Variants in CELSR1 observed in about 807,000 individuals in gnomAD.
CELSR1 encodes cadherin EGF LAG seven-pass G-type receptor 1.
In CELSR1, 110 loss-of-function variants were observed where a neutral mutation model predicts 249.1. The ratio of observed to expected loss-of-function variants is 0.44; its 90% CI spans 0.38 to 0.52. The LOEUF is 0.52. Among genes scored for constraint, CELSR1 ranks in the 20% least tolerant of loss-of-function variants. The pLI is 0.00. For missense variants in CELSR1, 4,109 were observed against 4,296.4 expected (o/e 0.96, Z 1.22); for synonymous variants, 2,113 against 1,900.0 (o/e 1.11, Z -2.92).
At chr22:46,439,691 T>C (rs892361941) in intron 2 of CELSR1, among the ~76,000 whole-genome samples, 1 of 151,930 alleles carries the variant, frequency 6.6e-6, no homozygotes, top group Non-Finnish European at 1.5e-5. Flanking sequence ...GTCAAAGAAA[T>C]GGCAGCAATG....
At position 46,407,642 on chromosome 22, in the gene CELSR1, A is replaced by G. The variant is rs571198679; in HGVS notation, c.5226+1354T>C. Among the ~76,000 whole-genome samples, 13 of 151,838 alleles carry G rather than the reference A, an allele frequency of 8.6e-5. No individual in the cohort carries two copies. Among genetic ancestry groups the G allele is most frequent in the African/African-American group, 3.1e-4 (13 of 41,412 alleles). On this transcript the variant is annotated intron_variant, in intron 9 of 34. Coordinates refer to ENST00000674500, the MANE Select transcript of CELSR1 (RefSeq NM_001378328.1). The surrounding 1 kb of genome is among the most constrained non-coding windows in gnomAD (Gnocchi z 4.8). ...AGCAAAACTTTATCTCAAAAAAACAAAACAAAACAAAACAAAAAAAACCTA... is the reference window on the plus strand; with the variant it reads ...AGCAAAACTTTATCTCAAAAAAACAGAACAAAACAAAACAAAAAAAACCTA...
chr22:46,453,106 T>TG (rs1179879190), intron 2 of CELSR1, among the ~76,000 whole-genome samples: 1 of 152,070 alleles, frequency 6.6e-6, no homozygotes, highest in Non-Finnish European at 1.5e-5. Flanking sequence ...GGAGGCAGGT[T>TG]GGGGGGCCTG....
chr22:46,477,513 G>GGTTTT, intron 1 of CELSR1, among the ~76,000 whole-genome samples: 1 of 84,300 alleles, frequency 1.2e-5, no homozygotes, highest in Admixed American at 1.4e-4. Context: ...TGTTTTATTG[G>GGTTTT]CTTTTTTTTT....
At position 46,391,723 on chromosome 22, in the gene CELSR1, C is replaced by T. The variant is rs1178668387; in HGVS notation, c.6058G>A (p.Gly2020Arg). The T allele has an allele frequency of 5.0e-6, 8 of 1,611,682 alleles. No homozygotes were observed. Among genetic ancestry groups the T allele is most frequent in the African/African-American group, 1.3e-5 (1 of 74,912 alleles). The change falls in exon 15 of 35, where the codon GGG becomes AGG. Residue 2020 changes from glycine to arginine, a missense_variant. This residue lies in a region of CELSR1 where 1,805 missense variants were observed against 1,831.6 expected (regional missense o/e 0.99). Transcript: ENST00000674500. This position sits in a 1 kb window ranked among gnomAD's most constrained non-coding sequence, Gnocchi z 4.3. ...ACGCCGGGCTTGCAGGCACACTGCCCGGTGGCCATGTCGCAAGTGCGGCTG... is the reference window on the plus strand; with the variant it reads ...ACGCCGGGCTTGCAGGCACACTGCCTGGTGGCCATGTCGCAAGTGCGGCTG... Reference protein sequence around the residue: ...SHSRTCDMATGQCACKPGVIG... With the variant: ...SHSRTCDMATRQCACKPGVIG...
At chr22:46,377,560 C>T (rs2078932699) in intron 23 of CELSR1, 2 of 432,342 alleles carry the variant, frequency 4.6e-6, no homozygotes, top group East Asian at 8.6e-5. Context: ...CCATGGGAGC[C>T]TCGGACTCTC....
intron 12 of CELSR1, 89 bp downstream of exon 12, chr22:46,397,585 G>A: frequency 4.1e-6 from 5 of 1,224,928 alleles, no homozygotes; most frequent in South Asian, 4.2e-5. Flanking sequence ...GTTGGCTGGG[G>A]ACGCTAATGT....
rs762928813 is a variant in CELSR1, at chr22:46,417,392, AGCT to A, written c.4612-5636_4612-5634del. 1.6e-4 allele frequency among the ~76,000 whole-genome samples: 24 copies of A among 152,204 alleles called. No homozygotes were observed. Among genetic ancestry groups the A allele is most frequent in the Non-Finnish European group, 1.9e-4 (13 of 68,040 alleles). ...TTGCCAGAATGCAAACCTCAGACCG[AGCT>A]GCTACTTCCTGGTGGTCCCAATACC... is the stretch of plus-strand genomic sequence containing the variant. On this transcript the variant is annotated intron_variant, in intron 5 of 34. Transcript: ENST00000674500. This position sits in a 1 kb window ranked among gnomAD's most constrained non-coding sequence, Gnocchi z 4.1.
intron 11 of CELSR1, 50 bp from the exon 12 acceptor site, chr22:46,397,898 A>AG: frequency 7.1e-7 from 1 of 1,405,124 alleles, no homozygotes; most frequent in East Asian, 2.7e-5. Context: ...AAAGGTATGT[A>AG]GGGGTTAAGG....
chr22:46,369,065 G>T, intron 27 of CELSR1, 114 bp downstream of exon 27: 1 of 903,810 alleles, frequency 1.1e-6, no homozygotes, highest in Non-Finnish European at 1.8e-6. Flanking sequence ...GCTGCCCCCA[G>T]CCCTCCTCCA....
At chr22:46,521,596 C>T (rs2080686605) in intron 1 of CELSR1, among the ~76,000 whole-genome samples, 1 of 151,952 alleles carries the variant, frequency 6.6e-6, no homozygotes, top group South Asian at 2.1e-4. Flanking sequence ...GCAGGCGGAT[C>T]ATCTGAGGTC....
At chr22:46,450,307 C>G (rs1490561386) in intron 2 of CELSR1, among the ~76,000 whole-genome samples, 2 of 152,238 alleles carry the variant, frequency 1.3e-5, no homozygotes, top group African/African-American at 4.8e-5. Flanking sequence ...CCAACTCGGC[C>G]CTGCAAGGCA....
At chr22:46,392,364 C>T (rs996827215) in intron 14 of CELSR1, among the ~76,000 whole-genome samples, 4 of 152,160 alleles carry the variant, frequency 2.6e-5, no homozygotes, top group Admixed American at 6.5e-5. Flanking sequence ...ACGGGGCAGG[C>T]TGTGACCAGG....
chr22:46,488,677 TG>T lies in CELSR1; in HGVS notation c.3545-24333del, dbSNP rs1489490689. On this transcript the variant is annotated intron_variant, in intron 1 of 34. Coordinates refer to ENST00000674500, the MANE Select transcript of CELSR1 (RefSeq NM_001378328.1). This position sits in a 1 kb window ranked among gnomAD's most constrained non-coding sequence, Gnocchi z 4.7. ...CCACAGCCCTGCCCTTTTTTTTTTT[TG>T]AGACGGAGTCTTGCTCTGTCACCCA... is the stretch of plus-strand genomic sequence containing the variant. Among the ~76,000 whole-genome samples the T allele has an allele frequency of 2.8e-5, 4 of 140,802 alleles. No individual in the cohort carries two copies. The highest frequency in any genetic ancestry group is 8.2e-5 in the African/African-American group (3 of 36,660). 92.4% of individuals were successfully genotyped at this position (140,802 alleles called of 152,430 possible).
At chr22:46,443,603 C>A (rs1254281761) in intron 2 of CELSR1, among the ~76,000 whole-genome samples, 1 of 152,244 alleles carries the variant, frequency 6.6e-6, no homozygotes, top group Non-Finnish European at 1.5e-5. Flanking sequence ...TTATAACCTT[C>A]CACATGTATT....
In CELSR1 at chr22:46,390,660, C is replaced by T. The variant is rs2079080399; in HGVS notation, c.6251-174G>A. On this transcript the variant is annotated intron_variant, in intron 16 of 34. Transcript: ENST00000674500. The surrounding 1 kb of genome is among the most constrained non-coding windows in gnomAD (Gnocchi z 6.3). The stretch of plus-strand genomic sequence containing the variant: ...CCCTCTTTCATGTCAGGGCCACGGC[C>T]GAAGCTGCTCTGACACTGACAACCA... 6.6e-6 allele frequency among the ~76,000 whole-genome samples: 1 copy of T among 152,182 alleles called. No individual in the cohort carries two copies. Among genetic ancestry groups the T allele is most frequent in the African/African-American group, 2.4e-5 (1 of 41,442 alleles).
chr22:46,489,662 C>A (rs1049418675), intron 1 of CELSR1, among the ~76,000 whole-genome samples: 3 of 152,084 alleles, frequency 2.0e-5, no homozygotes, highest in Non-Finnish European at 2.9e-5. Context: ...CCTGTAATCC[C>A]AGCACTTTGG....
In CELSR1 at chr22:46,381,940, C is replaced by T. The variant is rs1352371187; in HGVS notation, c.6994G>A (p.Asp2332Asn). 1 of 1,567,930 alleles carries T rather than the reference C, an allele frequency of 6.4e-7. No homozygotes were observed. The highest frequency in any genetic ancestry group is 8.6e-7 in the Non-Finnish European group (1 of 1,158,504). ...PISRRRRHPD[D>N]AGQFAVALVI... ...AGAGCGACGGCGAACTGGCCAGCGT[C>T]ATCAGGGTGTCGCCTCCGCCTGCTG... is the stretch of plus-strand genomic sequence containing the variant. Residue 2332 changes from aspartate to asparagine, a missense_variant, in exon 21 of 35, where the codon GAC (aspartate) becomes AAC (asparagine). Physicochemically the swap from Asp to Asn is conservative, Grantham distance 23. Around this residue, in one of 7 missense-constraint regions of CELSR1, gnomAD observed 1,805 missense variants for 1,831.6 expected, o/e 0.99. Coordinates refer to ENST00000674500, the MANE Select transcript of CELSR1 (RefSeq NM_001378328.1). The surrounding 1 kb of genome is among the most constrained non-coding windows in gnomAD (Gnocchi z 6.0).
At chr22:46,369,375 C>G (rs574546984) in intron 26 of CELSR1, 117 bp from the exon 27 acceptor site, 5 of 853,230 alleles carry the variant, frequency 5.9e-6, no homozygotes, top group African/African-American at 1.7e-5. Flanking sequence ...GAGGAGGACC[C>G]GAACCCTGGC....
In CELSR1 at chr22:46,409,226, C is replaced by T. The variant is rs115593147; in HGVS notation, c.5060-64G>A. 2.5e-3 allele frequency: 3,988 copies of T among 1,570,896 alleles called. 97 individuals are homozygous for T. In the African/African-American group the frequency reaches 0.049, roughly 19 times the overall value. On this transcript the variant is annotated intron_variant, in intron 8 of 34. Transcript: ENST00000674500. This position sits in a 1 kb window ranked among gnomAD's most constrained non-coding sequence, Gnocchi z 9.8. ...AATCACACGGCCGCGGACTTGGCTG[C>T]AGGGGCGGGGGATGGGCCTGCAGGC...
Sources: allele counts gnomAD v4.1 joint callset (sites outside exome capture counted in the v4.1 genomes callset), GRCh38; gene constraint gnomAD v4.1.1; regional missense constraint gnomAD v4.1.1; non-coding constraint Gnocchi (gnomAD v3.1); transcripts MANE v1.5; gene names NCBI Gene and HGNC (gene_info 2026-07-23, HGNC 2026-07-21).